Variants in DYSF observed in about 807,000 individuals in gnomAD.
The protein encoded by DYSF is dystrophy-associated fer-1-like 1.
A neutral mutation model predicts 274.9 loss-of-function variants in DYSF; 212 were observed. The observed-to-expected ratio is 0.77, with a 90% CI of 0.69 to 0.86. The LOEUF is 0.86. Among genes scored for constraint, DYSF ranks in the 40% least tolerant of loss-of-function variants. The pLI is 0.00. For missense variants in DYSF, 2,666 were observed against 2,783.2 expected, an observed-to-expected ratio of 0.96 and a Z score of 0.95; for synonymous variants, 1,091 against 1,078.7, an observed-to-expected ratio of 1.01 and a Z score of -0.22.
intron 41 of DYSF, among the ~76,000 whole-genome samples, chr2:71,634,624 C>T (rs563608203): frequency 3.3e-5 from 5 of 152,288 alleles, no homozygotes; most frequent in Non-Finnish European, 7.4e-5. Context: ...TCAACTTAAT[C>T]TCTCCTGTGA....
chr2:71,600,354 G>A (rs1312689897), intron 33 of DYSF, among the ~76,000 whole-genome samples: 1 of 152,262 alleles, frequency 6.6e-6, no homozygotes, highest in African/African-American at 2.4e-5. Context: ...CTGTACTGCT[G>A]AGCGCATTAG....
chr2:71,549,702 G>T (rs926693030), intron 17 of DYSF, among the ~76,000 whole-genome samples: 1 of 151,528 alleles, frequency 6.6e-6, no homozygotes, highest in Admixed American at 6.6e-5. Context: ...AGGCATGGGG[G>T]TCTGGAGTGG....
At chr2:71,574,507 T>A (rs2092635088) in intron 30 of DYSF, 136 bp downstream of exon 30, 3 of 1,094,214 alleles carry the variant, frequency 2.7e-6, no homozygotes, top group Non-Finnish European at 3.9e-6. Context: ...CATCCTGGCG[T>A]CAGTACCTGT....
rs2095263683 is a variant in DYSF, at chr2:71,679,131, G to T, written c.5959G>T (p.Asp1987Tyr). 1 of 1,614,086 alleles carries T rather than the reference G, an allele frequency of 6.2e-7. No individual in the cohort carries two copies. The highest frequency in any genetic ancestry group is 1.7e-5 in the Admixed American group (1 of 60,024). Residue 1987 changes from aspartate (D) to tyrosine (Y), a missense_variant, in exon 53 of 56, where the codon GAT (aspartate) becomes TAT (tyrosine). This residue lies in a region of DYSF where 1,460 missense variants were observed against 1,502.1 expected (regional missense o/e 0.97). Transcript: ENST00000410020. ...TAKKCSLDQL[D>Y]DAFHPEWFVS... ...CAAGAAGTGCTCCTTGGACCAGCTGGATGATGCTTTCCACCCAGAATGGTT... is the reference window on the plus strand; with the variant it reads ...CAAGAAGTGCTCCTTGGACCAGCTGTATGATGCTTTCCACCCAGAATGGTT...
At chr2:71,577,408 A>G (rs2092741225) in intron 30 of DYSF, among the ~76,000 whole-genome samples, 1 of 151,302 alleles carries the variant, frequency 6.6e-6, no homozygotes, top group Non-Finnish European at 1.5e-5. Flanking sequence ...ACTAACACCC[A>G]TACACACTAA....
At chr2:71,553,752 A>AAACCCCCCCCCCC in intron 20 of DYSF, 55 bp from the exon 21 acceptor site, 19 of 267,798 alleles carry the variant, frequency 7.1e-5, no homozygotes, top group Non-Finnish European at 1.0e-4. Flanking sequence ...TTAGCACCCC[A>AAACCCCCCCCCCC]TCCCACCCGC....
chr2:71,651,921 C>T (rs1229090722), intron 42 of DYSF, among the ~76,000 whole-genome samples: 2 of 152,120 alleles, frequency 1.3e-5, no homozygotes, highest in Non-Finnish European at 2.9e-5. Context: ...TGCTGAAAAG[C>T]ATTCAATAAA....
At chr2:71,662,530 G>A (rs572456460) in intron 45 of DYSF, among the ~76,000 whole-genome samples, 194 of 150,242 alleles carry the variant, frequency 1.3e-3, no homozygotes, top group Admixed American at 2.3e-3. Context: ...GTCTGTGTTC[G>A]TGTGTCTGTG....
chr2:71,603,773 C>T (rs983897017), intron 36 of DYSF, among the ~76,000 whole-genome samples: 4 of 152,134 alleles, frequency 2.6e-5, no homozygotes, highest in African/African-American at 4.8e-5. Flanking sequence ...AGCACGGAGC[C>T]CTCTCTGTTG....
intron 1 of DYSF, among the ~76,000 whole-genome samples, chr2:71,473,101 G>A (rs945812395): frequency 1.3e-5 from 2 of 152,152 alleles, no homozygotes; most frequent in African/African-American, 4.8e-5. Context: ...TGGTTGACGG[G>A]GAGAGGAGCA....
At chr2:71,679,787 A>G (rs2095273625) in intron 53 of DYSF, among the ~76,000 whole-genome samples, 1 of 152,240 alleles carries the variant, frequency 6.6e-6, no homozygotes, top group African/African-American at 2.4e-5. Flanking sequence ...TACTTGTTAT[A>G]TAAAGAGTGG....
intron 41 of DYSF, among the ~76,000 whole-genome samples, chr2:71,638,762 T>A (rs1170697926): frequency 6.6e-6 from 1 of 152,242 alleles, no homozygotes; most frequent in African/African-American, 2.4e-5. Flanking sequence ...TTCCACCCTT[T>A]AGCTGTTATG....
chr2:71,486,995 A>G (rs927748679), intron 3 of DYSF, among the ~76,000 whole-genome samples: 6 of 152,162 alleles, frequency 3.9e-5, no homozygotes, highest in Non-Finnish European at 8.8e-5. Flanking sequence ...GGCAGCTTTT[A>G]CACCCACTCA....
chr2:71,502,905 C>T (rs1405499169), intron 3 of DYSF, among the ~76,000 whole-genome samples: 2 of 152,064 alleles, frequency 1.3e-5, no homozygotes, highest in African/African-American at 2.4e-5. Flanking sequence ...GGGAAGACAA[C>T]CCTTCATCTC....
At chr2:71,571,572 C>CA (rs2092455671) in intron 29 of DYSF, among the ~76,000 whole-genome samples, 1 of 113,904 alleles carries the variant, frequency 8.8e-6, no homozygotes. Context: ...ATCACACCCA[C>CA]CACACACAGA....
chr2:71,686,025 G>T (rs1026010703), intron 55 of DYSF, among the ~76,000 whole-genome samples: 89 of 152,172 alleles, frequency 5.8e-4, no homozygotes, highest in Admixed American at 1.4e-3. Flanking sequence ...GCTGCCATGT[G>T]GGGGAGGACC....
chr2:71,528,496 C>T, intron 14 of DYSF, 95 bp downstream of exon 14: 1 of 1,052,868 alleles, frequency 9.5e-7, no homozygotes, highest in Non-Finnish European at 1.4e-6. Flanking sequence ...GTGAGATGCC[C>T]CCACCAGAGG....
intron 1 of DYSF, among the ~76,000 whole-genome samples, chr2:71,468,754 A>G (rs932728036): frequency 4.6e-5 from 7 of 152,132 alleles, no homozygotes; most frequent in Non-Finnish European, 2.9e-5. Flanking sequence ...TCTCTGGATG[A>G]CAAGCAGCAG....
chr2:71,545,925 C>T (rs1447467772), intron 17 of DYSF, among the ~76,000 whole-genome samples: 1 of 152,196 alleles, frequency 6.6e-6, no homozygotes, highest in Non-Finnish European at 1.5e-5. Flanking sequence ...CATTCAAAGT[C>T]GGGACCACCT....
Sources: allele counts gnomAD v4.1 joint callset (sites outside exome capture counted in the v4.1 genomes callset), GRCh38; gene constraint gnomAD v4.1.1; regional missense constraint gnomAD v4.1.1; transcripts MANE v1.5; gene names NCBI Gene and HGNC (gene_info 2026-07-23, HGNC 2026-07-21).